The following TXK variants were observed in gnomAD, a reference collection of about 807,000 sequenced individuals.
The protein encoded by TXK is tyrosine-protein kinase TXK.
TXK carries 60 observed loss-of-function variants against 81.0 expected under a neutral mutation model. The observed-to-expected ratio is 0.74, with a 90% CI of 0.60 to 0.92. The LOEUF is 0.92. TXK is among the 40% of genes least tolerant of loss of function. TXK has a pLI of 0.00. For synonymous variants in TXK, 203 were observed against 210.7 expected, an observed-to-expected ratio of 0.96 and a Z score of 0.32; for missense variants, 581 against 638.3, an observed-to-expected ratio of 0.91 and a Z score of 0.97.
chr4:48,111,435 T>C (rs998037281), intron 4 of TXK, among the ~76,000 whole-genome samples: 1 of 152,218 alleles, frequency 6.6e-6, no homozygotes, highest in Non-Finnish European at 1.5e-5. Context: ...AATTTTGACA[T>C]TAATGTTTGC....
chr4:48,113,761 T>C (rs144660511), intron 2 of TXK, among the ~76,000 whole-genome samples: 3 of 152,162 alleles, frequency 2.0e-5, no homozygotes, highest in Non-Finnish European at 2.9e-5. Flanking sequence ...TGGCCTTGGG[T>C]AAGCAATGTA....
At chr4:48,108,103 A>G (rs552896314) in intron 5 of TXK, among the ~76,000 whole-genome samples, 1 of 152,094 alleles carries the variant, frequency 6.6e-6, no homozygotes, top group South Asian at 2.1e-4. Flanking sequence ...AAAATTGTAC[A>G]TTTATTTGTG....
At chr4:48,117,978 A>G (rs1325234724) in intron 1 of TXK, among the ~76,000 whole-genome samples, 1 of 152,134 alleles carries the variant, frequency 6.6e-6, no homozygotes, top group Admixed American at 6.5e-5. Context: ...CATCTTGTCA[A>G]TCTCTGGTTA....
At chr4:48,108,304 T>C (rs1040396511) in intron 5 of TXK, among the ~76,000 whole-genome samples, 1 of 152,208 alleles carries the variant, frequency 6.6e-6, no homozygotes, top group Non-Finnish European at 1.5e-5. Context: ...GCCCAAACTG[T>C]AAATGTTTTT....
intron 2 of TXK, 26 bp downstream of exon 2, chr4:48,114,322 G>C (rs1341565279): frequency 6.2e-7 from 1 of 1,612,450 alleles, no homozygotes; most frequent in Non-Finnish European, 8.5e-7. Context: ...TAATTTTCAA[G>C]AAATTGCCCT....
At chr4:48,080,356 T>A (rs1484358293) in intron 10 of TXK, among the ~76,000 whole-genome samples, 1 of 152,188 alleles carries the variant, frequency 6.6e-6, no homozygotes, top group Non-Finnish European at 1.5e-5. Context: ...AGACAGAATA[T>A]ACACTATATT....
At chr4:48,120,156 CATAT>C (rs879415170) in intron 1 of TXK, among the ~76,000 whole-genome samples, 31,706 of 85,092 alleles carry the variant, frequency 0.37, 5,300 homozygotes, top group Admixed American at 0.47. Flanking sequence ...TGTATATATG[CATAT>C]ATATGTATAT....
intron 1 of TXK, among the ~76,000 whole-genome samples, chr4:48,115,349 C>A (rs1718773608): frequency 6.6e-6 from 1 of 152,088 alleles, no homozygotes; most frequent in Non-Finnish European, 1.5e-5. Flanking sequence ...TGGCTTCCAG[C>A]TTCATCCATG....
Position 48,081,266 on chromosome 4 carries a change from T to A in TXK, c.957-1138A>T, listed in dbSNP as rs1218805359. On this transcript the variant is annotated intron_variant, in intron 10 of 14. Transcript: ENST00000264316. ...GAAATCCACCAAGTTGATACCCACA[T>A]GGAAGCATTTGAGAATTGAAATGTT... Among the ~76,000 whole-genome samples, 4 of 152,262 alleles carry A rather than the reference T, an allele frequency of 2.6e-5. No individual in the cohort carries two copies. In the East Asian group the frequency reaches 7.7e-4, roughly 29 times the overall value.
intron 5 of TXK, among the ~76,000 whole-genome samples, chr4:48,107,148 G>C (rs999556425): frequency 6.6e-6 from 1 of 150,680 alleles, no homozygotes; most frequent in African/African-American, 2.4e-5. Flanking sequence ...ATTGTTTAAG[G>C]ATATCTAGTA....
At chr4:48,115,460 T>C (rs1340778502) in intron 1 of TXK, among the ~76,000 whole-genome samples, 1 of 152,176 alleles carries the variant, frequency 6.6e-6, no homozygotes, top group Non-Finnish European at 1.5e-5. Context: ...AACTGAATAT[T>C]TGAAGAAAGA....
rs758119809 is a variant in TXK, at chr4:48,071,195, C to T, written c.1515+322G>A. 2.4e-4 allele frequency among the ~76,000 whole-genome samples: 36 copies of T among 152,138 alleles called. 1 individual carries two copies. Among genetic ancestry groups the T allele is most frequent in the Admixed American group, 1.1e-3 (17 of 15,268 alleles). ...GATTACAGGCATGAGTCACTGCGCCCGGCCCATTAATTCTTAAAGCTAATA... is the reference window on the plus strand; with the variant it reads ...GATTACAGGCATGAGTCACTGCGCCTGGCCCATTAATTCTTAAAGCTAATA... On this transcript the variant is annotated intron_variant, in intron 14 of 14. Coordinates refer to ENST00000264316, the MANE Select transcript of TXK (RefSeq NM_003328.3).
intron 5 of TXK, among the ~76,000 whole-genome samples, chr4:48,105,655 A>C (rs1426244874): frequency 2.6e-5 from 4 of 152,160 alleles, no homozygotes; most frequent in African/African-American, 7.2e-5. Flanking sequence ...ATAAAAAAAA[A>C]CTTGCATGTG....
chr4:48,118,947 A>G (rs1421675875), intron 1 of TXK, among the ~76,000 whole-genome samples: 1 of 152,224 alleles, frequency 6.6e-6, no homozygotes, highest in Admixed American at 6.5e-5. Flanking sequence ...AGTGAAAACC[A>G]CAAAAGATAT....
intron 1 of TXK, among the ~76,000 whole-genome samples, chr4:48,120,120 T>C (rs934847200): frequency 6.7e-6 from 1 of 149,284 alleles, no homozygotes; most frequent in Non-Finnish European, 1.5e-5. Flanking sequence ...TACATACACA[T>C]ACATATGTAT....
intron 2 of TXK, 98 bp downstream of exon 2, chr4:48,114,250 G>A: frequency 8.0e-7 from 1 of 1,247,266 alleles, no homozygotes; most frequent in Non-Finnish European, 1.2e-6. Flanking sequence ...TTCCCAGGTA[G>A]AGAGAACAGC....
rs560506264 is a variant in TXK, at chr4:48,122,829, T to G, written c.17-8427A>C. ...TGGTATTTGGAACAGAACAAGCAGG[T>G]TCAATCCGAAGTGGTGAACAGTGTG... On this transcript the variant is annotated intron_variant, in intron 1 of 14. Transcript: ENST00000264316. 2.9e-3 allele frequency among the ~76,000 whole-genome samples: 446 copies of G among 152,298 alleles called. 2 individuals are homozygous for G. The highest frequency in any genetic ancestry group is 4.9e-3 in the Non-Finnish European group (333 of 68,026).
chr4:48,090,389 C>T (rs758384498), intron 8 of TXK, among the ~76,000 whole-genome samples: 8 of 152,122 alleles, frequency 5.3e-5, no homozygotes, highest in African/African-American at 1.4e-4. Context: ...CAACCACCAA[C>T]GGTGTTGAAG....
At chr4:48,116,940 T>C (rs1026758293) in intron 1 of TXK, among the ~76,000 whole-genome samples, 2 of 152,056 alleles carry the variant, frequency 1.3e-5, no homozygotes, top group African/African-American at 4.8e-5. Flanking sequence ...TGGAGTGCAG[T>C]GGTGCTATCT....
Sources: gnomAD v4.1 joint callset for allele counts (sites outside exome capture counted in the v4.1 genomes callset) on GRCh38, gnomAD v4.1.1 for gene constraint, MANE v1.5 for transcripts, NCBI Gene and HGNC (gene_info 2026-07-23, HGNC 2026-07-21) for gene names.